MYO3B: variants seen among roughly 807,000 people sequenced by gnomAD.
MYO3B encodes the protein myosin-IIIb.
MYO3B carries 156 observed loss-of-function variants against 174.6 expected under a neutral mutation model. The observed-to-expected ratio is 0.89, with a 90% CI of 0.78 to 1.02. The LOEUF (loss-of-function observed/expected upper bound fraction) is 1.02, where lower values mean the gene tolerates loss of function less well. Among genes scored for constraint, MYO3B ranks in the 50% least tolerant of loss-of-function variants. MYO3B has a pLI of 0.00. For synonymous variants in MYO3B, 563 were observed against 569.1 expected, an observed-to-expected ratio of 0.99 and a Z score of 0.15; for missense variants, 1,632 against 1,639.4, an observed-to-expected ratio of 1.00 and a Z score of 0.08.
chr2:170,235,934 T>G, intron 6 of MYO3B, 57 bp from the exon 7 acceptor site: 1 of 1,606,504 alleles, frequency 6.2e-7, no homozygotes, highest in East Asian at 2.2e-5. Context: ...AGGGCCTTTT[T>G]AGGACATCTG....
At position 170,649,169 on chromosome 2, in the gene MYO3B, A is replaced by T. The variant is rs866829999; in HGVS notation, c.3734-2459A>T. 5.4e-4 allele frequency among the ~76,000 whole-genome samples: 33 copies of T among 60,926 alleles called. 2 individuals are homozygous for T. Among genetic ancestry groups the T allele is most frequent in the African/African-American group, 2.1e-3 (21 of 10,090 alleles). 40.0% of individuals were successfully genotyped at this position (60,926 alleles called of 152,430 possible). ...TATATTATATATAAAATAATATATA[A>T]TATATTATATATAAAATAATATATA... On this transcript the variant is annotated intron_variant, in intron 32 of 34. Coordinates refer to ENST00000408978, the MANE Select transcript of MYO3B (RefSeq NM_138995.5).
At chr2:170,564,236 G>T (rs1691920804) in intron 32 of MYO3B, among the ~76,000 whole-genome samples, 1 of 152,216 alleles carries the variant, frequency 6.6e-6, no homozygotes, top group South Asian at 2.1e-4. Flanking sequence ...ACTTTGGGAG[G>T]CCAAGGTTGG....
At chr2:170,302,546 C>G (rs2093672739) in intron 7 of MYO3B, among the ~76,000 whole-genome samples, 3 of 152,186 alleles carry the variant, frequency 2.0e-5, no homozygotes, top group Admixed American at 2.0e-4. Flanking sequence ...CAAACTTCTT[C>G]CTGACTCCAA....
intron 25 of MYO3B, among the ~76,000 whole-genome samples, chr2:170,486,060 C>T (rs1340293106): frequency 6.6e-6 from 1 of 151,982 alleles, no homozygotes; most frequent in Non-Finnish European, 1.5e-5. Context: ...GTTTCCAGGT[C>T]ATGCTGCAGC....
At chr2:170,347,361 G>A (rs2094024280) in intron 8 of MYO3B, among the ~76,000 whole-genome samples, 1 of 152,144 alleles carries the variant, frequency 6.6e-6, no homozygotes, top group South Asian at 2.1e-4. Context: ...CAGCACTTTG[G>A]TAGGCTGAGG....
At chr2:170,494,727 C>CAAAAAAAAAAAAAAAAAAAAAAAAAAAA (rs3066990) in intron 25 of MYO3B, among the ~76,000 whole-genome samples, 1 of 92,038 alleles carries the variant, frequency 1.1e-5, no homozygotes, top group Non-Finnish European at 2.1e-5. Flanking sequence ...AACTGCGTCT[C>CAAAAAAAAAAAAAAAAAAAAAAAAAAAA]AAAAAAAAAA....
intron 32 of MYO3B, among the ~76,000 whole-genome samples, chr2:170,599,507 G>A (rs1182495585): frequency 6.6e-6 from 1 of 152,114 alleles, no homozygotes; most frequent in African/African-American, 2.4e-5. Context: ...AGCAATTTGG[G>A]AGGCCAAGGC....
chr2:170,461,487 AG>A (rs1311862578), intron 23 of MYO3B, among the ~76,000 whole-genome samples: 3 of 143,332 alleles, frequency 2.1e-5, no homozygotes, highest in East Asian at 2.0e-4. Flanking sequence ...AAAAAAAAAA[AG>A]GGCTGGGCCG....
At chr2:170,590,879 C>G (rs557856046) in intron 32 of MYO3B, among the ~76,000 whole-genome samples, 2 of 152,154 alleles carry the variant, frequency 1.3e-5, no homozygotes, top group African/African-American at 4.8e-5. Context: ...AACGTTTGGC[C>G]GCAATACTCT....
At chr2:170,299,131 T>G (rs985478892) in intron 7 of MYO3B, among the ~76,000 whole-genome samples, 6 of 152,336 alleles carry the variant, frequency 3.9e-5, no homozygotes, top group South Asian at 2.1e-4. Context: ...ATATTTCTTA[T>G]GCTTTGGAAC....
chr2:170,550,127 TG>T (rs1006864316), intron 32 of MYO3B, among the ~76,000 whole-genome samples: 1 of 152,222 alleles, frequency 6.6e-6, no homozygotes, highest in African/African-American at 2.4e-5. Flanking sequence ...CTGCTCTTTT[TG>T]GCTCCCTCAG....
At chr2:170,631,275 C>CT (rs1696948877) in intron 32 of MYO3B, among the ~76,000 whole-genome samples, 1 of 152,074 alleles carries the variant, frequency 6.6e-6, no homozygotes, top group Non-Finnish European at 1.5e-5. Flanking sequence ...GTAGCCGACT[C>CT]TATCAACTGG....
chr2:170,645,888 G>A (rs1698329058), intron 32 of MYO3B, among the ~76,000 whole-genome samples: 1 of 152,176 alleles, frequency 6.6e-6, no homozygotes, highest in African/African-American at 2.4e-5. Context: ...CGCTTTGTCA[G>A]TGACTCAAGA....
At chr2:170,604,468 GTTAA>G (rs937143548) in intron 32 of MYO3B, among the ~76,000 whole-genome samples, 59 of 151,722 alleles carry the variant, frequency 3.9e-4, no homozygotes, top group African/African-American at 8.7e-4. Context: ...AATTAAAACT[GTTAA>G]TTAAACATTT....
intron 32 of MYO3B, among the ~76,000 whole-genome samples, chr2:170,635,921 A>G (rs1423091893): frequency 6.6e-6 from 1 of 152,230 alleles, no homozygotes; most frequent in Non-Finnish European, 1.5e-5. Context: ...AAATTACCTT[A>G]GAAAGTGAAC....
intron 32 of MYO3B, among the ~76,000 whole-genome samples, chr2:170,560,179 G>A (rs1053067745): frequency 6.6e-6 from 1 of 152,116 alleles, no homozygotes; most frequent in Non-Finnish European, 1.5e-5. Context: ...TCTGGAGTGC[G>A]CTACAATTTC....
rs370250141 is a variant in MYO3B, at chr2:170,214,845, G to C, written c.526+17G>C. 202 of 1,595,620 alleles carry C rather than the reference G, an allele frequency of 1.3e-4. No individual in the cohort carries two copies. Among genetic ancestry groups the C allele is most frequent in the Middle Eastern group, 5.0e-4 (3 of 6,034 alleles). Reference sequence around the variant, plus strand: ...TTGACTTTGGTAATGACTGCTTGTCGTTTGTTTTCTTGACGTGTGCAGTTT... The same window carrying C: ...TTGACTTTGGTAATGACTGCTTGTCCTTTGTTTTCTTGACGTGTGCAGTTT... On this transcript the variant is annotated intron_variant, in intron 5 of 34. Transcript: ENST00000408978.
intron 7 of MYO3B, among the ~76,000 whole-genome samples, chr2:170,328,805 A>G (rs777337016): frequency 4.6e-5 from 7 of 152,126 alleles, no homozygotes; most frequent in Admixed American, 1.3e-4. Context: ...AATAAGTACC[A>G]GGACATTTTT....
chr2:170,440,950 TGCCACCAC>T (rs2094796238), intron 22 of MYO3B, among the ~76,000 whole-genome samples: 1 of 150,332 alleles, frequency 6.7e-6, no homozygotes, highest in Non-Finnish European at 1.5e-5. Context: ...TACAGGCGCG[TGCCACCAC>T]GCCCGGCTAA....
Sources: gnomAD v4.1 joint callset for allele counts (sites outside exome capture counted in the v4.1 genomes callset) on GRCh38, gnomAD v4.1.1 for gene constraint, MANE v1.5 for transcripts, NCBI Gene and HGNC (gene_info 2026-07-23, HGNC 2026-07-21) for gene names.